Variants in KCNMA1 observed in about 807,000 individuals in gnomAD.
The protein encoded by KCNMA1 is Calcium-activated potassium channel subunit alpha-1.
A neutral mutation model predicts 140.0 loss-of-function variants in KCNMA1; 29 were observed. That is an observed-to-expected ratio of 0.21 (90% CI 0.15 to 0.28). The LOEUF is 0.28. Among genes scored for constraint, KCNMA1 ranks in the 10% least tolerant of loss-of-function variants. The pLI, the probability that KCNMA1 is intolerant of heterozygous loss-of-function variation, is 1.00. For synonymous variants in KCNMA1, 612 were observed against 611.9 expected (o/e 1.00, Z 0.00); for missense variants, 880 against 1,602.2 (o/e 0.55, Z 7.70).
chr10:77,166,264 C>G (rs952637842), intron 5 of KCNMA1, among the ~76,000 whole-genome samples: 3 of 152,170 alleles, frequency 2.0e-5, no homozygotes, highest in African/African-American at 7.2e-5. Context: ...GCACTTCTGA[C>G]CCAGTTTGTA....
intron 1 of KCNMA1, among the ~76,000 whole-genome samples, chr10:77,616,403 C>T (rs182072088): frequency 6.6e-6 from 1 of 152,334 alleles, no homozygotes; most frequent in East Asian, 1.9e-4. Flanking sequence ...TAACACTTTC[C>T]TAGCCCTTGG....
In KCNMA1 at chr10:76,953,940, C is replaced by A; in HGVS notation, c.2361-16G>T. The A allele has an allele frequency of 1.9e-6, 3 of 1,613,814 alleles. No individual in the cohort carries two copies. The highest frequency in any genetic ancestry group is 2.5e-6 in the Non-Finnish European group (3 of 1,179,838). On this transcript the variant is annotated splice_polypyrimidine_tract_variant and intron_variant, in intron 20 of 27. Transcript: ENST00000286628. ...GGGGTCATGCCTGGGAAGAAAAGGA[C>A]AGGAAAACCTAAGTGGAAAATGTGA... is the stretch of plus-strand genomic sequence containing the variant.
At chr10:77,174,391 A>C (rs2098735076) in intron 5 of KCNMA1, among the ~76,000 whole-genome samples, 1 of 152,196 alleles carries the variant, frequency 6.6e-6, no homozygotes, top group African/African-American at 2.4e-5. Context: ...ACAAAAAGTA[A>C]AAAGCCATGG....
intron 1 of KCNMA1, among the ~76,000 whole-genome samples, chr10:77,563,194 A>G (rs1236388938): frequency 6.6e-6 from 1 of 152,126 alleles, no homozygotes; most frequent in Non-Finnish European, 1.5e-5. Flanking sequence ...TCCAACTAGC[A>G]CTAATAGTGT....
intron 2 of KCNMA1, among the ~76,000 whole-genome samples, chr10:77,320,022 TCA>T (rs1191009346): frequency 6.6e-6 from 1 of 152,216 alleles, no homozygotes; most frequent in African/African-American, 2.4e-5. Context: ...AGTCAGACTT[TCA>T]CACTAAACCA....
chr10:77,137,198 G>A (rs1020775560), intron 5 of KCNMA1, among the ~76,000 whole-genome samples: 3 of 152,056 alleles, frequency 2.0e-5, no homozygotes, highest in South Asian at 2.1e-4. Flanking sequence ...GTGAGGTCTC[G>A]GGAGAGGACA....
chr10:77,213,089 C>T (rs914830372), intron 3 of KCNMA1, among the ~76,000 whole-genome samples: 4 of 151,876 alleles, frequency 2.6e-5, no homozygotes, highest in South Asian at 2.1e-4. Flanking sequence ...ATTACATAAT[C>T]GGTGAAAGAC....
intron 1 of KCNMA1, among the ~76,000 whole-genome samples, chr10:77,524,282 G>A (rs1046153874): frequency 1.3e-5 from 2 of 152,128 alleles, no homozygotes; most frequent in Admixed American, 6.5e-5. Context: ...AAGGAAAGCA[G>A]CAGGAGTATG....
rs190550359 is a variant in KCNMA1, at chr10:76,972,752, T to C, written c.2267-2685A>G. Among the ~76,000 whole-genome samples, 5 of 152,306 alleles carry C rather than the reference T, an allele frequency of 3.3e-5. No individual in the cohort carries two copies. The East Asian group carries it at 9.6e-4, about 29-fold the overall frequency. On this transcript the variant is annotated intron_variant, in intron 19 of 27. Transcript: ENST00000286628. ...AGCCTAAAAATGCAGATCTGTTCCC[T>C]GAAGAGATGGGGGAAAATGTCTCCA... is the stretch of plus-strand genomic sequence containing the variant.
intron 17 of KCNMA1, among the ~76,000 whole-genome samples, chr10:77,013,957 G>A (rs2091442797): frequency 6.6e-6 from 1 of 152,012 alleles, no homozygotes; most frequent in Non-Finnish European, 1.5e-5. Flanking sequence ...AACTAAAGTT[G>A]GATTCTTTTT....
intron 1 of KCNMA1, among the ~76,000 whole-genome samples, chr10:77,495,199 T>A (rs950151783): frequency 6.6e-6 from 1 of 152,216 alleles, no homozygotes; most frequent in Admixed American, 6.5e-5. Context: ...ACATTACTAA[T>A]ATACTGGAAC....
intron 1 of KCNMA1, among the ~76,000 whole-genome samples, chr10:77,443,479 T>C (rs962248944): frequency 1.3e-5 from 2 of 151,524 alleles, no homozygotes; most frequent in Non-Finnish European, 2.9e-5. Context: ...ACGCTGCCAG[T>C]TGGAGAGAAT....
At chr10:77,335,367 A>G (rs2088505318) in intron 2 of KCNMA1, among the ~76,000 whole-genome samples, 1 of 152,204 alleles carries the variant, frequency 6.6e-6, no homozygotes, top group African/African-American at 2.4e-5. Context: ...AAGCACTAAA[A>G]TAAGATTCCT....
intron 2 of KCNMA1, among the ~76,000 whole-genome samples, chr10:77,276,148 C>T (rs1244037629): frequency 6.6e-6 from 1 of 152,240 alleles, no homozygotes. Context: ...CAGACACGCA[C>T]AGAATCAGCA....
intron 3 of KCNMA1, among the ~76,000 whole-genome samples, chr10:77,188,880 G>C (rs1208170397): frequency 6.6e-6 from 1 of 152,130 alleles, no homozygotes; most frequent in Admixed American, 6.6e-5. Flanking sequence ...ACTGCTAGCA[G>C]TTGTTCCTCT....
intron 18 of KCNMA1, among the ~76,000 whole-genome samples, chr10:77,008,810 A>T (rs1475073503): frequency 6.6e-6 from 1 of 152,216 alleles, no homozygotes; most frequent in Non-Finnish European, 1.5e-5. Flanking sequence ...TGTCTTCTCC[A>T]ACTTAGAGAG....
Position 77,007,222 on chromosome 10 carries a change from T to C in KCNMA1, c.2092+4745A>G, listed in dbSNP as rs111846375. On this transcript the variant is annotated intron_variant, in intron 18 of 27. Coordinates refer to ENST00000286628, the MANE Select transcript of KCNMA1 (RefSeq NM_001161352.2). ...AGTAAGTTAGAGGTTCAGACACTTG[T>C]ATTGACTTGTTCAGACTTATACATT... 5.4e-3 allele frequency among the ~76,000 whole-genome samples: 820 copies of C among 152,326 alleles called. 12 individuals are homozygous for C. Among genetic ancestry groups the C allele is most frequent in the African/African-American group, 0.019 (782 of 41,570 alleles).
At chr10:76,927,780 C>A (rs2058137533) in intron 23 of KCNMA1, among the ~76,000 whole-genome samples, 3 of 152,114 alleles carry the variant, frequency 2.0e-5, no homozygotes, top group Admixed American at 2.0e-4. Context: ...AGGTAATTTA[C>A]CAACGTTGTA....
chr10:77,520,045 TGTGAGGGTGTG>T (rs1292670486), intron 1 of KCNMA1, among the ~76,000 whole-genome samples: 7 of 33,892 alleles, frequency 2.1e-4, no homozygotes, highest in African/African-American at 8.4e-4. Context: ...GGGTGTGCAG[TGTGAGGGTGTG>T]CAGTGTGAGG....
Sources: gnomAD v4.1 joint callset for allele counts (sites outside exome capture counted in the v4.1 genomes callset) on GRCh38, gnomAD v4.1.1 for gene constraint, MANE v1.5 for transcripts, NCBI Gene and HGNC (gene_info 2026-07-23, HGNC 2026-07-21) for gene names.